The following DMD variants were observed in gnomAD, a reference collection of about 807,000 sequenced individuals.
DMD encodes dystrophin.
Under a neutral mutation model 330.1 loss-of-function variants are expected in DMD, and 63 were observed. The observed-to-expected ratio is 0.19, with a 90% CI of 0.16 to 0.24. The LOEUF is 0.24. DMD is among the 10% of genes least tolerant of loss of function. The probability of loss-of-function intolerance (pLI) is 1.00; values close to 1 mark genes in which losing one functional copy is unlikely to be tolerated. For missense variants in DMD, 3,344 were observed against 2,684.1 expected (o/e 1.25, Z -5.43); for synonymous variants, 1,223 against 959.8 (o/e 1.27, Z -5.07).
chrX:31,273,638 T>C (rs1187328369), intron 62 of DMD, among the ~76,000 whole-genome samples: 2 of 111,929 alleles, frequency 1.8e-5, no homozygotes, highest in African/African-American at 3.2e-5. Context: ...GAAAATGTAA[T>C]AATCAAATGC....
At chrX:33,022,568 T>C (rs1293021822) in intron 1 of DMD, among the ~76,000 whole-genome samples, 2 of 109,255 alleles carry the variant, frequency 1.8e-5, no homozygotes, top group African/African-American at 6.5e-5. Flanking sequence ...ATTAATTGTA[T>C]TATTATTATA....
intron 47 of DMD, among the ~76,000 whole-genome samples, chrX:31,890,212 T>C (rs773215836): frequency 9.1e-6 from 1 of 109,542 alleles, no homozygotes; most frequent in East Asian, 2.9e-4. Context: ...AGAAGTTTCA[T>C]TTAAGAAACA....
intron 17 of DMD, among the ~76,000 whole-genome samples, chrX:32,530,324 T>C (rs976494136): frequency 2.7e-5 from 3 of 112,262 alleles, no homozygotes; most frequent in Non-Finnish European, 5.6e-5. Flanking sequence ...TTGGCACCCA[T>C]AGAATCGTTG....
At chrX:31,294,095 A>T (rs146021584) in intron 62 of DMD, among the ~76,000 whole-genome samples, 9 of 112,557 alleles carry the variant, frequency 8.0e-5, no homozygotes, top group African/African-American at 2.9e-4. Flanking sequence ...AAAAAGAAAC[A>T]TAATTATAGA....
intron 77 of DMD, among the ~76,000 whole-genome samples, chrX:31,132,511 A>C (rs185783576): frequency 8.9e-6 from 1 of 111,753 alleles, no homozygotes; most frequent in African/African-American, 3.2e-5. Context: ...AGAAATGCCC[A>C]GGGTGCCAAC....
At chrX:32,104,395 C>A (rs2096554519) in intron 44 of DMD, among the ~76,000 whole-genome samples, 1 of 111,327 alleles carries the variant, frequency 9.0e-6, no homozygotes, top group Non-Finnish European at 1.9e-5. Context: ...ACCCACCCAA[C>A]ATCATATACA....
chrX:31,152,516 C>G (rs2037559326), intron 74 of DMD, among the ~76,000 whole-genome samples: 2 of 91,870 alleles, frequency 2.2e-5, no homozygotes, highest in South Asian at 1.2e-3. Context: ...TATTATTTTG[C>G]TTTCTTCTAG....
chrX:31,178,159 C>CA (rs1427940013), intron 70 of DMD, 189 bp from the exon 71 acceptor site: 18 of 750,501 alleles, frequency 2.4e-5, no homozygotes, highest in Admixed American at 8.8e-5. Flanking sequence ...AGAGTTAAGG[C>CA]AAAAAAGAGG....
chrX:33,013,841 A>G (rs5928147), intron 2 of DMD, among the ~76,000 whole-genome samples: 11,164 of 108,555 alleles, frequency 0.1, 773 homozygotes, highest in African/African-American at 0.23. Flanking sequence ...GTGTGCGCGC[A>G]CGCGCGTGTG....
chrX:32,501,027 T>A (rs1196938778), intron 19 of DMD, among the ~76,000 whole-genome samples: 1 of 112,192 alleles, frequency 8.9e-6, no homozygotes, highest in Non-Finnish European at 1.9e-5. Context: ...TTATCCCTGA[T>A]TTTCGTAAAA....
At chrX:32,528,137 C>T (rs1373029822) in intron 17 of DMD, among the ~76,000 whole-genome samples, 5 of 110,997 alleles carry the variant, frequency 4.5e-5, no homozygotes, top group African/African-American at 9.9e-5. Context: ...GACGAAACCC[C>T]GTCTCTACTA....
In DMD at chrX:33,139,868, T is replaced by TAAAAA. The variant is rs3990971; in HGVS notation, c.31+71409_31+71413dup. ...GAATTGACTAATACAGCCCCATCGC[T>TAAAAA]AAAAAAAAAAAAAAAAAAAAAAAAA... is the stretch of plus-strand genomic sequence containing the variant. On this transcript the variant is annotated intron_variant, in intron 1 of 78. Coordinates refer to ENST00000357033, the MANE Select transcript of DMD (RefSeq NM_004006.3). Among the ~76,000 whole-genome samples, 70 of 64,336 alleles carry TAAAAA rather than the reference T, an allele frequency of 1.1e-3. 3 individuals carry two copies. The highest frequency in any genetic ancestry group is 5.6e-3 in the African/African-American group (70 of 12,502). 55.9% of individuals were successfully genotyped at this position (64,336 alleles called of 115,157 possible).
At chrX:32,252,926 A>G (rs1387767405) in intron 43 of DMD, among the ~76,000 whole-genome samples, 1 of 88,444 alleles carries the variant, frequency 1.1e-5, no homozygotes, top group African/African-American at 4.3e-5. Context: ...ATATAGATAT[A>G]TAAATATATA....
At chrX:31,758,271 G>T (rs764908476) in intron 51 of DMD, among the ~76,000 whole-genome samples, 1 of 110,997 alleles carries the variant, frequency 9.0e-6, no homozygotes, top group Admixed American at 9.7e-5. Context: ...TTAAGGTAAA[G>T]AATATTTGGA....
chrX:32,459,697 C>T (rs1007201275), intron 25 of DMD, among the ~76,000 whole-genome samples: 1 of 111,136 alleles, frequency 9.0e-6, no homozygotes, highest in Non-Finnish European at 1.9e-5. Flanking sequence ...TCTGAAAACA[C>T]TTTGATTCTT....
At chrX:31,998,586 C>G (rs1007099000) in intron 44 of DMD, among the ~76,000 whole-genome samples, 1 of 111,809 alleles carries the variant, frequency 8.9e-6, no homozygotes, top group African/African-American at 3.2e-5. Flanking sequence ...AAAAACAACA[C>G]TTCAGTACCT....
At chrX:32,667,771 T>TG (rs200925655) in intron 9 of DMD, among the ~76,000 whole-genome samples, 7,041 of 106,722 alleles carry the variant, frequency 0.066, 597 homozygotes, top group African/African-American at 0.23. Context: ...TTTTGTGTTT[T>TG]TTTTTTTTTT....
chrX:32,658,266 T>C (rs1224626240), intron 9 of DMD, among the ~76,000 whole-genome samples: 1 of 111,349 alleles, frequency 9.0e-6, no homozygotes, highest in Non-Finnish European at 1.9e-5. Flanking sequence ...GTCCCCAAAA[T>C]ATAGAAACTT....
chrX:32,276,948 GA>G (rs200507433), intron 43 of DMD, among the ~76,000 whole-genome samples: 3,624 of 107,619 alleles, frequency 0.034, 165 homozygotes, highest in African/African-American at 0.11. Flanking sequence ...AAGAAAGATA[GA>G]AAAAAAAGAG....
Sources: allele counts gnomAD v4.1 joint callset (sites outside exome capture counted in the v4.1 genomes callset), GRCh38; gene constraint gnomAD v4.1.1; transcripts MANE v1.5; gene names NCBI Gene and HGNC (gene_info 2026-07-23, HGNC 2026-07-21).